PARD3B: variants seen among roughly 807,000 people sequenced by gnomAD.
The protein encoded by PARD3B is par-3 family cell polarity regulator beta.
Under a neutral mutation model 130.2 loss-of-function variants are expected in PARD3B, and 103 were observed. That is an observed-to-expected ratio of 0.79 (90% CI 0.67 to 0.93). The LOEUF is 0.93. Among genes scored for constraint, PARD3B ranks in the 40% least tolerant of loss-of-function variants. PARD3B has a pLI of 0.00. For synonymous variants in PARD3B, 583 were observed against 553.2 expected (o/e 1.05, Z -0.76); for missense variants, 1,609 against 1,499.2 (o/e 1.07, Z -1.21).
At chr2:204,755,150 A>G (rs1193041145) in intron 2 of PARD3B, among the ~76,000 whole-genome samples, 2 of 152,098 alleles carry the variant, frequency 1.3e-5, no homozygotes, top group African/African-American at 2.4e-5. Context: ...TTCAGGCACT[A>G]AATTTAAATT....
intron 18 of PARD3B, among the ~76,000 whole-genome samples, chr2:205,306,180 G>T (rs112037956): frequency 0.014 from 2,136 of 152,278 alleles, 18 homozygotes; most frequent in Middle Eastern, 0.061. Context: ...GAAAGGGCAA[G>T]GAAATGGATT....
At chr2:205,057,480 T>G (rs1415001356) in intron 4 of PARD3B, among the ~76,000 whole-genome samples, 2 of 145,050 alleles carry the variant, frequency 1.4e-5, no homozygotes, top group Admixed American at 1.4e-4. Flanking sequence ...TATATACATG[T>G]GTATGTGTAT....
In PARD3B at chr2:205,121,809, A is replaced by G; in HGVS notation, c.1025A>G (p.Asp342Gly). The G allele has an allele frequency of 6.2e-7, 1 of 1,614,164 alleles. No homozygotes were observed. The highest frequency in any genetic ancestry group is 1.1e-5 in the South Asian group (1 of 91,084). ...NLTGTDSPET[D>G]ASASLQQNKS... ...ACAGGAACCGATAGTCCTGAAACAG[A>G]TGCATCAGCTTCCCTGCAACAAAAC... Residue 342 changes from aspartate to glycine, a missense_variant, in exon 8 of 23, where the codon GAT becomes GGT. Asp to Gly is a moderately conservative substitution (Grantham distance 94, BLOSUM62 -1). Coordinates refer to ENST00000406610, the MANE Select transcript of PARD3B (RefSeq NM_001302769.2). The surrounding 1 kb of genome is among the most constrained non-coding windows in gnomAD (Gnocchi z 5.0).
At chr2:205,295,235 A>T (rs1033790266) in intron 16 of PARD3B, among the ~76,000 whole-genome samples, 1 of 152,078 alleles carries the variant, frequency 6.6e-6, no homozygotes, top group Non-Finnish European at 1.5e-5. Context: ...TCACATCACA[A>T]CTCCCCATGC....
intron 21 of PARD3B, among the ~76,000 whole-genome samples, chr2:205,528,983 T>G (rs1465629510): frequency 6.6e-6 from 1 of 152,148 alleles, no homozygotes; most frequent in African/African-American, 2.4e-5. Context: ...TTATGAATTT[T>G]GAAATAATGG....
chr2:204,692,892 A>G (rs1323358209), intron 2 of PARD3B, among the ~76,000 whole-genome samples: 1 of 152,052 alleles, frequency 6.6e-6, no homozygotes, highest in Non-Finnish European at 1.5e-5. Flanking sequence ...CATCTTTCAA[A>G]AGAGGAAATA....
intron 2 of PARD3B, among the ~76,000 whole-genome samples, chr2:204,877,137 G>A (rs151145295): frequency 0.017 from 2,653 of 152,138 alleles, 56 homozygotes; most frequent in East Asian, 0.11. Flanking sequence ...GCAAACTGTC[G>A]CAAGGACAGA....
chr2:205,302,156 C>A (rs1574642856), intron 18 of PARD3B, among the ~76,000 whole-genome samples: 2 of 149,426 alleles, frequency 1.3e-5, no homozygotes, highest in Admixed American at 6.7e-5. Context: ...GCAACCTCCG[C>A]CTCCTGGGTT....
At position 204,792,786 on chromosome 2, in the gene PARD3B, C is replaced by A. The variant is rs374886285; in HGVS notation, c.222+106504C>A. Among the ~76,000 whole-genome samples, 93 of 152,220 alleles carry A rather than the reference C, an allele frequency of 6.1e-4. 2 individuals carry two copies. In the South Asian group the frequency reaches 0.019, roughly 31 times the overall value. ...GGTTTCTAATGCAGAGAGTTTATGA[C>A]CTGGTGTGTTTCAGCTAATTTCGAT... On this transcript the variant is annotated intron_variant, in intron 2 of 22. Coordinates refer to ENST00000406610, the MANE Select transcript of PARD3B (RefSeq NM_001302769.2).
intron 4 of PARD3B, among the ~76,000 whole-genome samples, chr2:205,059,302 A>G (rs1478054239): frequency 6.6e-6 from 1 of 151,970 alleles, no homozygotes; most frequent in Admixed American, 6.6e-5. Context: ...CACAACCTAT[A>G]TGCTTAGCTT....
chr2:204,556,971 A>T (rs939824095), intron 1 of PARD3B, among the ~76,000 whole-genome samples: 2 of 150,636 alleles, frequency 1.3e-5, no homozygotes, highest in African/African-American at 4.9e-5. Context: ...ATGATGTCCC[A>T]CCTTTTAAAA....
At chr2:205,239,311 C>T (rs2039246609) in intron 15 of PARD3B, among the ~76,000 whole-genome samples, 1 of 152,082 alleles carries the variant, frequency 6.6e-6, no homozygotes, top group Non-Finnish European at 1.5e-5. Flanking sequence ...AATAATTATT[C>T]ACCTAAAACC....
chr2:205,053,240 C>T (rs1294598663), intron 4 of PARD3B, among the ~76,000 whole-genome samples: 1 of 152,094 alleles, frequency 6.6e-6, no homozygotes, highest in East Asian at 1.9e-4. Flanking sequence ...AAAGAAATCA[C>T]CGAGATATTA....
At chr2:204,873,429 T>A (rs2045713049) in intron 2 of PARD3B, among the ~76,000 whole-genome samples, 1 of 152,210 alleles carries the variant, frequency 6.6e-6, no homozygotes, top group Admixed American at 6.5e-5. Flanking sequence ...AGCCAGTGAT[T>A]TCCCCAGCCA....
At chr2:205,298,730 G>C (rs2041882643) in intron 16 of PARD3B, among the ~76,000 whole-genome samples, 1 of 152,066 alleles carries the variant, frequency 6.6e-6, no homozygotes, top group African/African-American at 2.4e-5. Flanking sequence ...GAGGCTCCAG[G>C]GTTAATCTAG....
intron 2 of PARD3B, among the ~76,000 whole-genome samples, chr2:204,790,710 GGTT>G (rs1199052818): frequency 1.3e-5 from 2 of 152,174 alleles, no homozygotes; most frequent in Non-Finnish European, 2.9e-5. Context: ...CTGGCCTCTA[GGTT>G]GTTGTTTTTA....
In PARD3B at chr2:204,799,901, A is replaced by G. The variant is rs1446521322; in HGVS notation, c.222+113619A>G. Among the ~76,000 whole-genome samples the G allele has an allele frequency of 6.6e-6, 1 of 152,172 alleles. No individual in the cohort carries two copies. The highest frequency in any genetic ancestry group is 1.9e-4 in the East Asian group (1 of 5,188). On this transcript the variant is annotated intron_variant, in intron 2 of 22. Transcript: ENST00000406610. The surrounding 1 kb of genome is among the most constrained non-coding windows in gnomAD (Gnocchi z 4.1). ...CTTGGAATACTTGGTAAGCCTTCCTAAGAAGGGTGGGTACAAACAAGCCAA... is the reference window on the plus strand; with the variant it reads ...CTTGGAATACTTGGTAAGCCTTCCTGAGAAGGGTGGGTACAAACAAGCCAA...
intron 1 of PARD3B, among the ~76,000 whole-genome samples, chr2:204,564,792 T>C (rs992297724): frequency 4.6e-5 from 7 of 152,214 alleles, no homozygotes; most frequent in East Asian, 3.9e-4. Flanking sequence ...CATACAGATA[T>C]GTAGTTGGAA....
chr2:205,318,340 A>T (rs1368586078), intron 18 of PARD3B, among the ~76,000 whole-genome samples: 2 of 152,194 alleles, frequency 1.3e-5, no homozygotes, highest in African/African-American at 4.8e-5. Flanking sequence ...CCAATTTCCT[A>T]GACCTTTGAC....
Sources: allele counts gnomAD v4.1 joint callset (sites outside exome capture counted in the v4.1 genomes callset), GRCh38; gene constraint gnomAD v4.1.1; non-coding constraint Gnocchi (gnomAD v3.1); transcripts MANE v1.5; gene names NCBI Gene and HGNC (gene_info 2026-07-23, HGNC 2026-07-21).